AP4S1: variants seen among roughly 807,000 people sequenced by gnomAD.
AP4S1 encodes adaptor related protein complex 4 subunit sigma 1.
Under a neutral mutation model 19.8 loss-of-function variants are expected in AP4S1, and 23 were observed. The observed-to-expected ratio is 1.16, with a 90% CI of 0.84 to 1.65. The LOEUF (loss-of-function observed/expected upper bound fraction) is 1.65. AP4S1 is among the 40% of genes most tolerant of loss of function. AP4S1 has a pLI of 0.00. For missense variants in AP4S1, 166 were observed against 172.8 expected, an observed-to-expected ratio of 0.96 and a Z score of 0.22; for synonymous variants, 46 against 54.1, an observed-to-expected ratio of 0.85 and a Z score of 0.66.
intron 4 of AP4S1, 32 bp downstream of exon 4, chr14:31,073,005 C>G: frequency 6.4e-7 from 1 of 1,558,826 alleles, no homozygotes; most frequent in Non-Finnish European, 8.9e-7. Flanking sequence ...TGGTTTACTT[C>G]CTCAACCCAG....
chr14:31,054,794 G>A (rs766998400), intron 1 of AP4S1, among the ~76,000 whole-genome samples: 3 of 148,094 alleles, frequency 2.0e-5, no homozygotes, highest in Non-Finnish European at 3.0e-5. Flanking sequence ...CCGGAGGCTG[G>A]GAGCTCAAAG....
chr14:31,047,421 T>C (rs895829886), intron 1 of AP4S1, among the ~76,000 whole-genome samples: 9 of 149,006 alleles, frequency 6.0e-5, no homozygotes, highest in African/African-American at 2.2e-4. Flanking sequence ...GGAGTCTTGC[T>C]CTGTTGCCCA....
intron 1 of AP4S1, among the ~76,000 whole-genome samples, chr14:31,049,489 A>ACG (rs1885656019): frequency 7.0e-6 from 1 of 142,124 alleles, no homozygotes; most frequent in African/African-American, 2.6e-5. Context: ...ACACACACAC[A>ACG]CACACACACA....
At chr14:31,035,433 T>C (rs747640315) in intron 1 of AP4S1, among the ~76,000 whole-genome samples, 66 of 151,558 alleles carry the variant, frequency 4.4e-4, no homozygotes, top group Non-Finnish European at 7.7e-4. Context: ...CCTTGTGATC[T>C]GCCCACCTCA....
chr14:31,046,983 C>A (rs904794347), intron 1 of AP4S1, among the ~76,000 whole-genome samples: 4 of 152,146 alleles, frequency 2.6e-5, no homozygotes, highest in African/African-American at 9.7e-5. Flanking sequence ...TATGAACATT[C>A]CAGGGTCTCC....
At chr14:31,028,780 G>A (rs181308241) in intron 1 of AP4S1, among the ~76,000 whole-genome samples, 14 of 152,266 alleles carry the variant, frequency 9.2e-5, no homozygotes, top group Admixed American at 7.2e-4. Context: ...TGGGCGTGGT[G>A]GCGCTTGCCT....
Sources: gnomAD v4.1 joint callset for allele counts (sites outside exome capture counted in the v4.1 genomes callset) on GRCh38, gnomAD v4.1.1 for gene constraint, MANE v1.5 for transcripts, NCBI Gene and HGNC (gene_info 2026-07-23, HGNC 2026-07-21) for gene names.